NRG3: variants seen among roughly 807,000 people sequenced by gnomAD.
NRG3 encodes neuregulin 3.
Under a neutral mutation model 66.9 loss-of-function variants are expected in NRG3, and 31 were observed. That is an observed-to-expected ratio of 0.46 (90% CI 0.35 to 0.63). The LOEUF (loss-of-function observed/expected upper bound fraction) is 0.63. NRG3 is among the 20% of genes least tolerant of loss of function. The pLI is 0.00. For synonymous variants in NRG3, 393 were observed against 359.4 expected, an observed-to-expected ratio of 1.09 and a Z score of -1.06; for missense variants, 910 against 878.9, an observed-to-expected ratio of 1.04 and a Z score of -0.45.
chr10:82,876,402 A>G (rs1166818186), intron 4 of NRG3, among the ~76,000 whole-genome samples: 2 of 152,200 alleles, frequency 1.3e-5, no homozygotes, highest in African/African-American at 2.4e-5. Flanking sequence ...AAGACCAGCC[A>G]TGAGCAGAGC....
At chr10:82,276,971 A>T (rs1265356199) in intron 1 of NRG3, among the ~76,000 whole-genome samples, 1 of 152,028 alleles carries the variant, frequency 6.6e-6, no homozygotes, top group East Asian at 1.9e-4. Flanking sequence ...AAACTTTTAG[A>T]ATTACAAAAA....
At chr10:82,528,514 G>A (rs184962283) in intron 2 of NRG3, among the ~76,000 whole-genome samples, 56 of 152,176 alleles carry the variant, frequency 3.7e-4, no homozygotes, top group African/African-American at 1.1e-3. Context: ...GGTTTCCAAG[G>A]TCTCCTCTAC....
chr10:82,410,412 A>G (rs1590033450), intron 2 of NRG3, among the ~76,000 whole-genome samples: 1 of 150,712 alleles, frequency 6.6e-6, no homozygotes, highest in Non-Finnish European at 1.5e-5. Flanking sequence ...GAAAGAAACC[A>G]TTCAGAAAAG....
intron 1 of NRG3, among the ~76,000 whole-genome samples, chr10:82,273,797 G>GA (rs1238044612): frequency 7.2e-5 from 11 of 152,020 alleles, no homozygotes; most frequent in Middle Eastern, 3.4e-3. Flanking sequence ...CCTAGTCAGA[G>GA]AAAAAATGCC....
At chr10:82,225,398 C>A (rs1447005914) in intron 1 of NRG3, 2 of 152,116 alleles carry the variant, frequency 1.3e-5, no homozygotes, top group African/African-American at 4.8e-5. Context: ...GCACATAGCA[C>A]CTTGATTGGT....
intron 1 of NRG3, among the ~76,000 whole-genome samples, chr10:82,186,978 G>A (rs1461339801): frequency 6.6e-6 from 1 of 152,070 alleles, no homozygotes; most frequent in Non-Finnish European, 1.5e-5. Context: ...TGGCATCAAA[G>A]CTATCTTACC....
chr10:82,206,679 T>G (rs1218453881), intron 1 of NRG3, among the ~76,000 whole-genome samples: 2 of 152,212 alleles, frequency 1.3e-5, no homozygotes, highest in African/African-American at 4.8e-5. Flanking sequence ...ACTCTTTGAA[T>G]GTATACCTGT....
intron 3 of NRG3, among the ~76,000 whole-genome samples, chr10:82,824,103 A>G (rs1464266924): frequency 6.6e-6 from 1 of 152,120 alleles, no homozygotes; most frequent in African/African-American, 2.4e-5. Context: ...CCTGTTTCAG[A>G]CATTTTATTT....
chr10:82,485,174 C>G (rs967393007), intron 2 of NRG3, among the ~76,000 whole-genome samples: 1 of 151,804 alleles, frequency 6.6e-6, no homozygotes, highest in African/African-American at 2.4e-5. Context: ...GGCTCAGGAA[C>G]TTAACTACAC....
intron 1 of NRG3, among the ~76,000 whole-genome samples, chr10:81,892,009 G>C (rs1050669681): frequency 6.6e-6 from 1 of 152,128 alleles, no homozygotes; most frequent in Non-Finnish European, 1.5e-5. Context: ...TTTTTGTTTG[G>C]TTAGTGTATT....
At chr10:82,573,575 A>G (rs1395800027) in intron 2 of NRG3, among the ~76,000 whole-genome samples, 1 of 151,816 alleles carries the variant, frequency 6.6e-6, no homozygotes, top group Admixed American at 6.6e-5. Flanking sequence ...CCATTTCCAA[A>G]TTGAAGTGCT....
chr10:82,513,041 C>T (rs982402617), intron 2 of NRG3, among the ~76,000 whole-genome samples: 2 of 152,104 alleles, frequency 1.3e-5, no homozygotes, highest in African/African-American at 2.4e-5. Context: ...TTTGCTGCAC[C>T]TATCAACCGG....
At chr10:82,974,502 A>G (rs531812161) in intron 7 of NRG3, among the ~76,000 whole-genome samples, 25 of 152,326 alleles carry the variant, frequency 1.6e-4, no homozygotes, top group African/African-American at 5.3e-4. Context: ...AGCATCTTCT[A>G]GTCCACACTT....
intron 2 of NRG3, among the ~76,000 whole-genome samples, chr10:82,680,217 T>C (rs1382114759): frequency 6.6e-6 from 1 of 152,174 alleles, no homozygotes; most frequent in East Asian, 1.9e-4. Context: ...ATGGAAGACA[T>C]ATATCTTGAG....
intron 1 of NRG3, among the ~76,000 whole-genome samples, chr10:82,109,494 G>A (rs1366605903): frequency 1.3e-5 from 2 of 150,710 alleles, no homozygotes; most frequent in African/African-American, 4.9e-5. Flanking sequence ...GTTTATAGAG[G>A]CTTATTGTGT....
At chr10:82,412,930 T>C (rs1222229715) in intron 2 of NRG3, among the ~76,000 whole-genome samples, 2 of 152,214 alleles carry the variant, frequency 1.3e-5, no homozygotes, top group African/African-American at 4.8e-5. Flanking sequence ...AATCATGTCT[T>C]CCTGCTGTAC....
chr10:82,524,548 C>T (rs1846501310), intron 2 of NRG3, among the ~76,000 whole-genome samples: 1 of 151,780 alleles, frequency 6.6e-6, no homozygotes, highest in Non-Finnish European at 1.5e-5. Context: ...AGACTTAACT[C>T]ATAATTTTTC....
chr10:82,650,485 A>C (rs531020728), intron 2 of NRG3, among the ~76,000 whole-genome samples: 105 of 152,366 alleles, frequency 6.9e-4, no homozygotes, highest in African/African-American at 2.3e-3. Flanking sequence ...CATGAGGGAC[A>C]CATCTGTGTC....
At chr10:82,098,495 C>T (rs2066517782) in intron 1 of NRG3, among the ~76,000 whole-genome samples, 1 of 152,084 alleles carries the variant, frequency 6.6e-6, no homozygotes, top group African/African-American at 2.4e-5. Context: ...AATCACAGGT[C>T]TTTCTCCACA....
Sources: allele counts gnomAD v4.1 joint callset (sites outside exome capture counted in the v4.1 genomes callset), GRCh38; gene constraint gnomAD v4.1.1; transcripts MANE v1.5; gene names NCBI Gene and HGNC (gene_info 2026-07-23, HGNC 2026-07-21).